Variants in MUC6 observed in about 807,000 individuals in gnomAD.
MUC6 encodes the protein mucin-6.
MUC6 carries 188 observed loss-of-function variants against 201.5 expected under a neutral mutation model. That is an observed-to-expected ratio of 0.93 (90% CI 0.83 to 1.05). The LOEUF is 1.05. Ranked by LOEUF, MUC6 falls within the 50% of genes least tolerant of loss-of-function variation. The pLI, the probability that MUC6 is intolerant of heterozygous loss-of-function variation, is 0.00. For missense variants in MUC6, 2,706 were observed against 3,256.9 expected, an observed-to-expected ratio of 0.83 and a Z score of 4.12; for synonymous variants, 1,228 against 1,389.4, an observed-to-expected ratio of 0.88 and a Z score of 2.58.
At position 1,033,323 on chromosome 11, in the gene MUC6, C is replaced by T; in HGVS notation, c.53-248G>A. ...CTCGTTTGTCCACTCAGTCCCAGTT[C>T]AGCCGTCAGCCCCTCGGGGTTCGGC... is the stretch of plus-strand genomic sequence containing the variant. On this transcript the variant is annotated intron_variant, in intron 1 of 32. Coordinates refer to ENST00000421673, the MANE Select transcript of MUC6 (RefSeq NM_005961.3). This position sits in a 1 kb window ranked among gnomAD's most constrained non-coding sequence, Gnocchi z 5.6. The T allele has an allele frequency of 1.8e-6, 1 of 562,972 alleles. No homozygotes were observed. Among genetic ancestry groups the T allele is most frequent in the East Asian group, 2.9e-5 (1 of 35,060 alleles). The allele number at this position is 562,972 out of a possible 1,614,324, so 34.9% of individuals were successfully genotyped here.
rs771289916 is a variant in MUC6, at chr11:1,024,054, C to T, written c.3275G>A (p.Cys1092Tyr). The T allele has an allele frequency of 6.2e-7, 1 of 1,613,138 alleles. No individual in the cohort carries two copies. Among genetic ancestry groups the T allele is most frequent in the Non-Finnish European group, 8.5e-7 (1 of 1,179,786 alleles). ...YEACVRDACG[C>Y]DSGGDCECLC... Reference sequence around the variant, plus strand: ...ACACTCACAGTCCCCGCCACTGTCACACCCACATGCGTCGCGCACGCAGGC... The same window carrying T: ...ACACTCACAGTCCCCGCCACTGTCATACCCACATGCGTCGCGCACGCAGGC... The change falls in exon 25 of 33, where the codon TGT becomes TAT. Residue 1092 changes from cysteine (C) to tyrosine (Y), a missense_variant. By Grantham distance (194) the Cys-to-Tyr change is radical. This residue lies in a region of MUC6 where 1,850 missense variants were observed against 1,958.3 expected (regional missense o/e 0.94). Transcript: ENST00000421673.
chr11:1,021,135 C>G, intron 27 of MUC6, 80 bp downstream of exon 27: 1 of 1,363,186 alleles, frequency 7.3e-7, no homozygotes, highest in Non-Finnish European at 9.8e-7. Flanking sequence ...GGGCTCTCTC[C>G]CTTGTTTGTG....
At chr11:1,024,289 A>G (rs893394359) in intron 24 of MUC6, among the ~76,000 whole-genome samples, 186 bp from the exon 25 acceptor site, 5 of 152,142 alleles carry the variant, frequency 3.3e-5, no homozygotes, top group African/African-American at 1.2e-4. Context: ...CGATGCTGCC[A>G]CGGAGGCCTG....
At chr11:1,024,558 G>C (rs749367545) in intron 24 of MUC6, among the ~76,000 whole-genome samples, 3 of 152,232 alleles carry the variant, frequency 2.0e-5, no homozygotes, top group Admixed American at 6.5e-5. Flanking sequence ...CCTGAGCAGG[G>C]GGCCCACCAG....
chr11:1,022,150 C>A (rs1473158619), intron 26 of MUC6, among the ~76,000 whole-genome samples: 2 of 147,264 alleles, frequency 1.4e-5, no homozygotes, highest in South Asian at 4.4e-4. Context: ...CTGCAGCCCA[C>A]GCCCCTCACT....
Position 1,029,515 on chromosome 11 carries a change from T to A in MUC6, c.1116A>T (p.Thr372=). Residue 372 remains threonine, a synonymous_variant, in exon 9 of 33, where the codon ACA becomes ACT. Coordinates refer to ENST00000421673, the MANE Select transcript of MUC6 (RefSeq NM_005961.3). ...HGAMYAPGEV[T]IAACQTCRCT... ...CTCACCAGGTTTGGCAGGCAGCTAT[T>A]GTGACCTCCCCGGGGGCATACATGG... 1 of 1,612,428 alleles carries A rather than the reference T, an allele frequency of 6.2e-7. No homozygotes were observed. The highest frequency in any genetic ancestry group is 1.3e-5 in the African/African-American group (1 of 74,990).
At chr11:1,035,531 T>C (rs990093892) in intron 1 of MUC6, among the ~76,000 whole-genome samples, 18 of 129,228 alleles carry the variant, frequency 1.4e-4, no homozygotes, top group African/African-American at 3.9e-4. Context: ...CCATATCTCC[T>C]ACAGTTGAAG....
At chr11:1,030,821 C>A in intron 6 of MUC6, 41 bp from the exon 7 acceptor site, 1 of 1,530,830 alleles carries the variant, frequency 6.5e-7, no homozygotes, top group African/African-American at 1.4e-5. Flanking sequence ...AAGGCCACAC[C>A]CCATGCCACC....
intron 22 of MUC6, among the ~76,000 whole-genome samples, 160 bp from the exon 23 acceptor site, chr11:1,025,527 G>T (rs1856935434): frequency 6.6e-6 from 1 of 152,228 alleles, no homozygotes; most frequent in Non-Finnish European, 1.5e-5. Context: ...GGCCTGGCAT[G>T]CCTGGAACAG....
chr11:1,013,948 C>G lies in MUC6; in HGVS notation c.7093G>C (p.Ala2365Pro). The change falls in exon 32 of 33, where the codon GCG (alanine) becomes CCG (proline). Residue 2365 changes from alanine to proline, a missense_variant. This residue lies in a region of MUC6 where 586 missense variants were observed against 488.0 expected (regional missense o/e 1.20). Transcript: ENST00000421673. ...QEEITFKGCM[A>P]NVTVTRCEGA... ...TCACAGCGGGTTACCGTCACGTTCGCCATGCACCCCTTGAACGTGATCTCC... is the reference window on the plus strand; with the variant it reads ...TCACAGCGGGTTACCGTCACGTTCGGCATGCACCCCTTGAACGTGATCTCC... 3.7e-6 allele frequency: 6 copies of G among 1,609,426 alleles called. No homozygotes were observed. Among genetic ancestry groups the G allele is most frequent in the Non-Finnish European group, 5.1e-6 (6 of 1,178,526 alleles).
intron 12 of MUC6, 47 bp downstream of exon 12, chr11:1,028,842 C>G: frequency 1.2e-6 from 2 of 1,609,830 alleles, no homozygotes. Flanking sequence ...CTGCAGCCCG[C>G]CCCGAAGGCA....
At position 1,026,071 on chromosome 11, in the gene MUC6, C is replaced by G. The variant is rs566029302; in HGVS notation, c.2617G>C (p.Glu873Gln). The stretch of plus-strand genomic sequence containing the variant: ...CCGTCGAAGGTGATGACGTGGCCCT[C>G]CCCGTAGAGGGTGCAGGTGGATGGG... ...HCPSTCTLYG[E>Q]GHVITFDGQR... is the part of the protein sequence containing the mutation. The change falls in exon 21 of 33, where the codon GAG (glutamate) becomes CAG (glutamine). Residue 873 changes from glutamate to glutamine, a missense_variant. Glu to Gln is a conservative substitution (Grantham distance 29, BLOSUM62 2). Around this residue, in one of 10 missense-constraint regions of MUC6, gnomAD observed 1,850 missense variants for 1,958.3 expected, o/e 0.94. Transcript: ENST00000421673. The G allele has an allele frequency of 8.1e-6, 13 of 1,597,294 alleles. No individual in the cohort carries two copies. In the African/African-American group the frequency reaches 1.6e-4, roughly 20 times the overall value.
At chr11:1,024,356 C>T (rs1856899403) in intron 24 of MUC6, among the ~76,000 whole-genome samples, 1 of 152,238 alleles carries the variant, frequency 6.6e-6, no homozygotes, top group Non-Finnish European at 1.5e-5. Flanking sequence ...TGCCGCTAAC[C>T]ACGGCCACTG....
chr11:1,031,868 G>A lies in MUC6; in HGVS notation c.301C>T (p.Leu101=). The part of the protein sequence containing the change: ...DGSISRIIVE[L]GASVVTVSEA... ...CTCACAGTGACGACGGAGGCCCCCA[G>A]CTCCACGATGATCCGCGAGATGCTC... Residue 101 remains leucine, a synonymous_variant, in exon 3 of 33, where the codon CTG becomes TTG. Coordinates refer to ENST00000421673, the MANE Select transcript of MUC6 (RefSeq NM_005961.3). The A allele has an allele frequency of 6.2e-7, 1 of 1,612,844 alleles. No homozygotes were observed. Among genetic ancestry groups the A allele is most frequent in the Non-Finnish European group, 8.5e-7 (1 of 1,179,872 alleles).
intron 24 of MUC6, 145 bp downstream of exon 24, chr11:1,024,699 G>T: frequency 1.5e-6 from 2 of 1,338,220 alleles, no homozygotes; most frequent in South Asian, 2.9e-5. Context: ...CACTCAGGCA[G>T]AGGGTCTGAA....
chr11:1,030,351 G>C lies in MUC6; in HGVS notation c.893-16C>G. 1 of 1,545,640 alleles carries C rather than the reference G, an allele frequency of 6.5e-7. No individual in the cohort carries two copies. Among genetic ancestry groups the C allele is most frequent in the Non-Finnish European group, 8.7e-7 (1 of 1,145,852 alleles). Reference sequence around the variant, plus strand: ...TGACCCACGGCTGTGGGCACACGCGGCTCCGGTGAGAGGGTCCCACCCCCC... The same window carrying C: ...TGACCCACGGCTGTGGGCACACGCGCCTCCGGTGAGAGGGTCCCACCCCCC... On this transcript the variant is annotated splice_polypyrimidine_tract_variant and intron_variant, in intron 7 of 32. Transcript: ENST00000421673.
In MUC6 at chr11:1,013,241, G is replaced by A; in HGVS notation, c.*215C>T. On this transcript the variant is annotated 3_prime_UTR_variant, in exon 33 of 33. Transcript: ENST00000421673. Reference sequence around the variant, plus strand: ...CCACTGTCCGCCTCAGTCCCTCTCTGCTGGCTCAGGGTCTGCAGGAGTGTG... The same window carrying A: ...CCACTGTCCGCCTCAGTCCCTCTCTACTGGCTCAGGGTCTGCAGGAGTGTG... 3.4e-6 allele frequency: 2 copies of A among 581,916 alleles called. No individual in the cohort carries two copies. Among genetic ancestry groups the A allele is most frequent in the Non-Finnish European group, 6.0e-6 (2 of 331,606 alleles). The allele number at this position is 581,916 out of a possible 1,614,324, so 36.0% of individuals were successfully genotyped here.
At chr11:1,021,171 A>G (rs749609552) in intron 27 of MUC6, 44 bp downstream of exon 27, 4 of 1,515,260 alleles carry the variant, frequency 2.6e-6, no homozygotes, top group Non-Finnish European at 3.5e-6. Flanking sequence ...TTCTGCCTGC[A>G]TGCAGGCAGG....
rs1049820335 is a variant in MUC6, at chr11:1,026,046, C to A, written c.2642G>T (p.Gly881Val). The change falls in exon 21 of 33, where the codon GGC (glycine) becomes GTC (valine). Residue 881 changes from glycine (G) to valine (V), a missense_variant. By Grantham distance (109) the Gly-to-Val change is moderately radical (BLOSUM62 -3). Transcript: ENST00000421673. ...YGEGHVITFD[G>V]QRFVFDGNCE... ...GTTGCCGTCGAATACGAAGCGCTGG[C>A]CGTCGAAGGTGATGACGTGGCCCTC... The A allele has an allele frequency of 2.5e-6, 4 of 1,591,612 alleles. No individual in the cohort carries two copies. Among genetic ancestry groups the A allele is most frequent in the African/African-American group, 1.3e-5 (1 of 74,528 alleles).
Sources: gnomAD v4.1 joint callset for allele counts (sites outside exome capture counted in the v4.1 genomes callset) on GRCh38, gnomAD v4.1.1 for gene constraint, gnomAD v4.1.1 regional missense constraint, Gnocchi (gnomAD v3.1) non-coding constraint, MANE v1.5 for transcripts, NCBI Gene and HGNC (gene_info 2026-07-23, HGNC 2026-07-21) for gene names.